NRCAM: variants seen among roughly 807,000 people sequenced by gnomAD.
NRCAM encodes NgCAM-related cell adhesion molecule.
A neutral mutation model predicts 156.5 loss-of-function variants in NRCAM; 83 were observed. That is an observed-to-expected ratio of 0.53 (90% confidence interval 0.44 to 0.64). The LOEUF is 0.64. Among genes scored for constraint, NRCAM ranks in the 30% least tolerant of loss-of-function variants. The pLI is 0.00. For missense variants in NRCAM, 1,417 were observed against 1,597.3 expected, an observed-to-expected ratio of 0.89 and a Z score of 1.92; for synonymous variants, 538 against 563.9, an observed-to-expected ratio of 0.95 and a Z score of 0.65.
At chr7:108,237,647 G>T in intron 5 of NRCAM, 105 bp downstream of exon 5, 1 of 792,530 alleles carries the variant, frequency 1.3e-6, no homozygotes, top group Non-Finnish European at 1.9e-6. Flanking sequence ...GAAAGACAAA[G>T]GTCACAAAAC....
At chr7:108,367,388 G>A (rs989172700) in intron 2 of NRCAM, among the ~76,000 whole-genome samples, 1 of 152,108 alleles carries the variant, frequency 6.6e-6, no homozygotes, top group African/African-American at 2.4e-5. Flanking sequence ...TTATAATAAT[G>A]TGGAATCTTG....
At chr7:108,317,728 G>A (rs1050938327) in intron 2 of NRCAM, among the ~76,000 whole-genome samples, 3 of 151,874 alleles carry the variant, frequency 2.0e-5, no homozygotes, top group Non-Finnish European at 2.9e-5. Context: ...TGGCCAACAT[G>A]GTGAAAGCCC....
intron 11 of NRCAM, among the ~76,000 whole-genome samples, chr7:108,217,611 C>T (rs982807799): frequency 4.6e-5 from 7 of 152,190 alleles, no homozygotes; most frequent in Non-Finnish European, 1.0e-4. Flanking sequence ...TTCAGTGATG[C>T]CCTGCCCAGA....
At chr7:108,453,563 T>C (rs1223366716) in intron 1 of NRCAM, among the ~76,000 whole-genome samples, 2 of 152,244 alleles carry the variant, frequency 1.3e-5, no homozygotes, top group Admixed American at 1.3e-4. Flanking sequence ...CTGAGCCCTA[T>C]TGCAGTTGTT....
At chr7:108,284,512 C>T (rs2097999694) in intron 3 of NRCAM, among the ~76,000 whole-genome samples, 1 of 152,110 alleles carries the variant, frequency 6.6e-6, no homozygotes, top group Non-Finnish European at 1.5e-5. Context: ...CCCTGCGGTT[C>T]CCAAGTTAAT....
At position 108,226,205 on chromosome 7, in the gene NRCAM, TA is replaced by T; in HGVS notation, c.721+2del. ...GGGGAGATTTGGGAAGCTGAACTCT[TA>T]CCTGAAATCACCTTCACAGAAATAG... On this transcript the variant is annotated splice_donor_variant, in intron 9 of 32. Transcript: ENST00000379028. LOFTEE classifies it high-confidence loss of function. The T allele has an allele frequency of 6.3e-7, 1 of 1,580,202 alleles. No homozygotes were observed.
chr7:108,276,083 A>G (rs2097588636), intron 3 of NRCAM, among the ~76,000 whole-genome samples: 1 of 152,082 alleles, frequency 6.6e-6, no homozygotes, highest in Non-Finnish European at 1.5e-5. Context: ...ATTTGATTGC[A>G]CTGTGGTCTG....
At chr7:108,176,344 C>T (rs924235846) in intron 27 of NRCAM, 86 bp downstream of exon 27, 1 of 1,202,872 alleles carries the variant, frequency 8.3e-7, no homozygotes, top group Non-Finnish European at 1.2e-6. Flanking sequence ...ACAGACGTTC[C>T]ATAGCAAGAA....
At chr7:108,311,279 A>G (rs893695795) in intron 3 of NRCAM, among the ~76,000 whole-genome samples, 2 of 152,202 alleles carry the variant, frequency 1.3e-5, no homozygotes, top group Non-Finnish European at 2.9e-5. Context: ...CATTACTAGT[A>G]ACTCCTAGTT....
chr7:108,280,635 C>G (rs1717836362), intron 3 of NRCAM, among the ~76,000 whole-genome samples: 1 of 152,182 alleles, frequency 6.6e-6, no homozygotes, highest in Non-Finnish European at 1.5e-5. Flanking sequence ...TTCTTTGGTG[C>G]TACTGAAAAT....
At chr7:108,412,238 T>C (rs1267815588) in intron 1 of NRCAM, among the ~76,000 whole-genome samples, 3 of 138,862 alleles carry the variant, frequency 2.2e-5, no homozygotes, top group Non-Finnish European at 3.1e-5. Context: ...AGCAACTTTC[T>C]AGATTGTTGT....
chr7:108,293,088 A>C (rs2098352346), intron 3 of NRCAM, among the ~76,000 whole-genome samples: 1 of 152,182 alleles, frequency 6.6e-6, no homozygotes, highest in African/African-American at 2.4e-5. Flanking sequence ...AACGGGGGTC[A>C]ATGCAGTGGA....
At chr7:108,415,388 G>C (rs1054394504) in intron 1 of NRCAM, among the ~76,000 whole-genome samples, 1 of 152,144 alleles carries the variant, frequency 6.6e-6, no homozygotes, top group South Asian at 2.1e-4. Context: ...CTTCAATCTG[G>C]TTTTTGTGTC....
chr7:108,305,230 G>A (rs949935447), intron 3 of NRCAM, among the ~76,000 whole-genome samples: 6 of 152,014 alleles, frequency 3.9e-5, no homozygotes, highest in Admixed American at 1.3e-4. Flanking sequence ...AAATCAAATC[G>A]ATTTGAAGAC....
At position 108,191,760 on chromosome 7, in the gene NRCAM, G is replaced by A. The variant is rs139719404; in HGVS notation, c.1872C>T (p.Ser624=). 124 of 1,613,782 alleles carry A rather than the reference G, an allele frequency of 7.7e-5. No homozygotes were observed. In the African/African-American group the frequency reaches 1.1e-3, roughly 15 times the overall value. ...YTCVANTTLD[S]VSASAVLSVV... ...CGCTAAGCACAGCGCTGGCGGAGACGCTGTCCAGAGTGGTGTTGGCCACAC... is the reference window on the plus strand; with the variant it reads ...CGCTAAGCACAGCGCTGGCGGAGACACTGTCCAGAGTGGTGTTGGCCACAC... The change falls in exon 18 of 33, where the codon AGC becomes AGT. Residue 624 remains serine, a synonymous_variant. Coordinates refer to ENST00000379028, the MANE Select transcript of NRCAM (RefSeq NM_001037132.4).
chr7:108,391,932 C>A lies in NRCAM; in HGVS notation c.-174+7504G>T, dbSNP rs181513984. ...TCTCTTCTGGCTTGCAGAGTTTCTG[C>A]CGAGAGATCCGCTGTTAGTCTGATG... On this transcript the variant is annotated intron_variant, in intron 2 of 32. Coordinates refer to ENST00000379028, the MANE Select transcript of NRCAM (RefSeq NM_001037132.4). Among the ~76,000 whole-genome samples, 102 of 152,330 alleles carry A rather than the reference C, an allele frequency of 6.7e-4. 1 individual carries two copies. The highest frequency in any genetic ancestry group is 2.9e-3 in the Admixed American group (44 of 15,298).
chr7:108,197,953 T>A lies in NRCAM; in HGVS notation c.1351+3A>T. 6.4e-7 allele frequency: 1 copy of A among 1,563,248 alleles called. No individual in the cohort carries two copies. Among genetic ancestry groups the A allele is most frequent in the Non-Finnish European group, 8.6e-7 (1 of 1,159,062 alleles). ...CCATGTCTTTAATAAAATGAGAGCT[T>A]ACCCAGCACATTTACAAATGCGTTT... On this transcript the variant is annotated splice_donor_region_variant and intron_variant, in intron 14 of 32. Coordinates refer to ENST00000379028, the MANE Select transcript of NRCAM (RefSeq NM_001037132.4).
intron 2 of NRCAM, among the ~76,000 whole-genome samples, chr7:108,335,173 G>GCA (rs1563312179): frequency 6.6e-6 from 1 of 152,138 alleles, no homozygotes; most frequent in Non-Finnish European, 1.5e-5. Flanking sequence ...TAGTGTTAGT[G>GCA]CACTCTCTTT....
chr7:108,220,594 G>C (rs1313793967), intron 11 of NRCAM, among the ~76,000 whole-genome samples: 1 of 152,116 alleles, frequency 6.6e-6, no homozygotes, highest in Non-Finnish European at 1.5e-5. Context: ...ACATAAAGTG[G>C]GGAAAGGACA....
Sources: allele counts gnomAD v4.1 joint callset (sites outside exome capture counted in the v4.1 genomes callset), GRCh38; gene constraint gnomAD v4.1.1; transcripts MANE v1.5; gene names NCBI Gene and HGNC (gene_info 2026-07-23, HGNC 2026-07-21).